The following NRCAM variants were observed in gnomAD, a reference collection of about 807,000 sequenced individuals.
NRCAM encodes the protein NgCAM-related cell adhesion molecule.
In NRCAM, 83 loss-of-function variants were observed where a neutral mutation model predicts 156.5. The observed-to-expected ratio is 0.53, with a 90% confidence interval of 0.44 to 0.64. The LOEUF is 0.64. Among genes scored for constraint, NRCAM ranks in the 30% least tolerant of loss-of-function variants. The pLI is 0.00. For missense variants in NRCAM, 1,417 were observed against 1,597.3 expected (o/e 0.89, Z 1.92); for synonymous variants, 538 against 563.9 (o/e 0.95, Z 0.65).
intron 2 of NRCAM, among the ~76,000 whole-genome samples, chr7:108,389,906 C>T (rs181294205): frequency 5.3e-5 from 8 of 152,220 alleles, no homozygotes; most frequent in African/African-American, 9.6e-5. Context: ...GAGATGAAGC[C>T]CACTTGATCA....
At chr7:108,167,751 T>C (rs1178189271) in intron 29 of NRCAM, among the ~76,000 whole-genome samples, 1 of 152,188 alleles carries the variant, frequency 6.6e-6, no homozygotes, top group Non-Finnish European at 1.5e-5. Context: ...CCAGTAGATG[T>C]GGCCAGGATC....
chr7:108,182,378 C>T (rs1469334361), intron 23 of NRCAM, among the ~76,000 whole-genome samples: 2 of 152,134 alleles, frequency 1.3e-5, no homozygotes, highest in African/African-American at 2.4e-5. Flanking sequence ...GCAAAACCCA[C>T]GGACATGGAG....
rs541471721 is a variant in NRCAM, at chr7:108,445,356, G to C, written c.-332+10887C>G. 2.6e-5 allele frequency among the ~76,000 whole-genome samples: 4 copies of C among 152,212 alleles called. No individual in the cohort carries two copies. In the South Asian group the frequency reaches 8.3e-4, roughly 32 times the overall value. On this transcript the variant is annotated intron_variant, in intron 1 of 32. Coordinates refer to ENST00000379028, the MANE Select transcript of NRCAM (RefSeq NM_001037132.4). Reference sequence around the variant, plus strand: ...AGTAAGGTTATAATTTGTGTTTTGAGAACAGTCCTATCCTGCAGCATCAAC... The same window carrying C: ...AGTAAGGTTATAATTTGTGTTTTGACAACAGTCCTATCCTGCAGCATCAAC...
intron 2 of NRCAM, among the ~76,000 whole-genome samples, chr7:108,396,961 G>A (rs952143574): frequency 2.6e-5 from 4 of 152,140 alleles, no homozygotes; most frequent in Non-Finnish European, 2.9e-5. Flanking sequence ...CTTAATCAGA[G>A]CCTCAAGTAT....
At chr7:108,390,938 C>G (rs967012688) in intron 2 of NRCAM, among the ~76,000 whole-genome samples, 1 of 152,160 alleles carries the variant, frequency 6.6e-6, no homozygotes, top group African/African-American at 2.4e-5. Context: ...GTCTGAGAGA[C>G]AGTTTGTTAT....
intron 8 of NRCAM, among the ~76,000 whole-genome samples, chr7:108,227,854 T>C (rs1194831959): frequency 1.3e-5 from 2 of 152,130 alleles, no homozygotes; most frequent in African/African-American, 4.8e-5. Flanking sequence ...AAAATTATGG[T>C]TAAAAGTCTG....
At chr7:108,335,446 T>TTTTTTTTTTTTTTTTTTTTG in intron 2 of NRCAM, among the ~76,000 whole-genome samples, 1 of 143,998 alleles carries the variant, frequency 6.9e-6, no homozygotes, top group African/African-American at 2.6e-5. Context: ...TTTTTTTTTT[T>TTTTTTTTTTTTTTTTTTTTG]TTTTTTTTTT....
At chr7:108,315,684 T>C (rs1270048139) in intron 2 of NRCAM, among the ~76,000 whole-genome samples, 2 of 152,156 alleles carry the variant, frequency 1.3e-5, no homozygotes, top group African/African-American at 4.8e-5. Flanking sequence ...ACTAAACTTG[T>C]TGGGACTTGG....
intron 3 of NRCAM, among the ~76,000 whole-genome samples, chr7:108,299,114 A>AAAAAGAAAGAAAGAAAGAAAG: frequency 3.9e-5 from 1 of 25,516 alleles, no homozygotes; most frequent in Non-Finnish European, 8.0e-5. Flanking sequence ...TCAAAAAAAA[A>AAAAAGAAAGAAAGAAAGAAAG]AAAGAAAGAA....
chr7:108,223,674 C>G, intron 11 of NRCAM, 51 bp downstream of exon 11: 2 of 911,402 alleles, frequency 2.2e-6, no homozygotes, highest in South Asian at 2.9e-5. Flanking sequence ...CTCTACCAAC[C>G]TACTATATTT....
chr7:108,408,885 C>T lies in NRCAM; in HGVS notation c.-331-9292G>A, dbSNP rs897349592. On this transcript the variant is annotated intron_variant, in intron 1 of 32. Transcript: ENST00000379028. Reference sequence around the variant, plus strand: ...GGGTTCAGTGGGATGACTGTAGAGGCGGGGCGGGTAGGAGAACTGGGACTG... The same window carrying T: ...GGGTTCAGTGGGATGACTGTAGAGGTGGGGCGGGTAGGAGAACTGGGACTG... 7.9e-5 allele frequency among the ~76,000 whole-genome samples: 12 copies of T among 152,230 alleles called. No homozygotes were observed. The East Asian group carries it at 1.2e-3, about 15-fold the overall frequency.
chr7:108,319,303 AATT>A (rs1163903123), intron 2 of NRCAM, among the ~76,000 whole-genome samples: 1 of 152,226 alleles, frequency 6.6e-6, no homozygotes. Flanking sequence ...GGAAAACATT[AATT>A]TATTCAACAA....
chr7:108,235,740 T>C (rs2094902847), intron 5 of NRCAM, among the ~76,000 whole-genome samples: 1 of 152,060 alleles, frequency 6.6e-6, no homozygotes, highest in South Asian at 2.1e-4. Flanking sequence ...GTAGTGATAG[T>C]GGTATCTCGT....
At chr7:108,348,019 C>G (rs1023536403) in intron 2 of NRCAM, among the ~76,000 whole-genome samples, 1 of 152,222 alleles carries the variant, frequency 6.6e-6, no homozygotes, top group Non-Finnish European at 1.5e-5. Context: ...CAGGATGGAG[C>G]TCCTTGAGGC....
intron 1 of NRCAM, among the ~76,000 whole-genome samples, chr7:108,424,220 G>A (rs1445203425): frequency 1.3e-5 from 2 of 152,204 alleles, no homozygotes; most frequent in Admixed American, 6.5e-5. Context: ...TACCAGGAGT[G>A]GGGCATCGAA....
chr7:108,390,766 T>C (rs369554159), intron 2 of NRCAM, among the ~76,000 whole-genome samples: 116 of 152,336 alleles, frequency 7.6e-4, no homozygotes, highest in African/African-American at 2.6e-3. Flanking sequence ...GATTCTGGTA[T>C]GTTGTGTCTT....
At chr7:108,180,926 C>T (rs2063100455) in intron 24 of NRCAM, among the ~76,000 whole-genome samples, 1 of 152,142 alleles carries the variant, frequency 6.6e-6, no homozygotes, top group Admixed American at 6.5e-5. Flanking sequence ...AAGTGACTTT[C>T]ACAGCCACAG....
At position 108,201,945 on chromosome 7, in the gene NRCAM, A is replaced by G. The variant is rs973430905; in HGVS notation, c.1208-3846T>C. 2.0e-4 allele frequency among the ~76,000 whole-genome samples: 31 copies of G among 152,194 alleles called. 1 individual carries two copies. Among genetic ancestry groups the G allele is most frequent in the Non-Finnish European group, 1.5e-5 (1 of 68,042 alleles). ...TTAAAAAATGCAAACAAACCCAGGA[A>G]CTGTCACGGTGACATATGGAGGCTC... On this transcript the variant is annotated intron_variant, in intron 13 of 32. Coordinates refer to ENST00000379028, the MANE Select transcript of NRCAM (RefSeq NM_001037132.4).
chr7:108,231,821 CTG>C (rs1476889466), intron 7 of NRCAM, among the ~76,000 whole-genome samples: 3 of 151,950 alleles, frequency 2.0e-5, no homozygotes, highest in Non-Finnish European at 4.4e-5. Flanking sequence ...AAAAATGTGA[CTG>C]TTATTTAAAT....
Sources: gnomAD v4.1 joint callset for allele counts (sites outside exome capture counted in the v4.1 genomes callset) on GRCh38, gnomAD v4.1.1 for gene constraint, MANE v1.5 for transcripts, NCBI Gene and HGNC (gene_info 2026-07-23, HGNC 2026-07-21) for gene names.